Variants in NRG3 observed in about 807,000 individuals in gnomAD.
NRG3 encodes the protein neuregulin 3.
In NRG3, 31 loss-of-function variants were observed where a neutral mutation model predicts 66.9. That is an observed-to-expected ratio of 0.46 (90% CI 0.35 to 0.63). The LOEUF (loss-of-function observed/expected upper bound fraction) is 0.63, where lower values mean the gene tolerates loss of function less well. Among genes scored for constraint, NRG3 ranks in the 20% least tolerant of loss-of-function variants. The probability of loss-of-function intolerance (pLI) is 0.00; values close to 1 mark genes in which losing one functional copy is unlikely to be tolerated. For synonymous variants in NRG3, 393 were observed against 359.4 expected (o/e 1.09, Z -1.06); for missense variants, 910 against 878.9 (o/e 1.04, Z -0.45).
chr10:82,294,631 C>G (rs2079951267), intron 1 of NRG3, among the ~76,000 whole-genome samples: 2 of 152,182 alleles, frequency 1.3e-5, no homozygotes, highest in Admixed American at 6.5e-5. Flanking sequence ...AAATCTGCAT[C>G]AGCGTTATAT....
chr10:81,964,572 T>G (rs557804085), intron 1 of NRG3, among the ~76,000 whole-genome samples: 2 of 152,220 alleles, frequency 1.3e-5, no homozygotes, highest in Admixed American at 1.3e-4. Flanking sequence ...TAGTAAAAAT[T>G]TCTGACATTG....
intron 2 of NRG3, among the ~76,000 whole-genome samples, chr10:82,622,469 T>G (rs764743929): frequency 1.3e-5 from 2 of 152,210 alleles, no homozygotes; most frequent in African/African-American, 2.4e-5. Flanking sequence ...TCAAATCATT[T>G]CTTAAACCTA....
At chr10:82,167,133 T>C (rs1472421225) in intron 1 of NRG3, among the ~76,000 whole-genome samples, 1 of 152,132 alleles carries the variant, frequency 6.6e-6, no homozygotes, top group Non-Finnish European at 1.5e-5. Context: ...TTCAACTGAT[T>C]GAATTTTTTC....
chr10:82,326,646 T>C (rs953222693), intron 1 of NRG3, among the ~76,000 whole-genome samples: 12 of 152,174 alleles, frequency 7.9e-5, no homozygotes, highest in Non-Finnish European at 1.0e-4. Flanking sequence ...CCCTACCATT[T>C]CTTCTGCAAT....
chr10:82,643,905 CACA>C (rs1565159282), intron 2 of NRG3, among the ~76,000 whole-genome samples: 45 of 1,784 alleles, frequency 0.025, no homozygotes, highest in Non-Finnish European at 0.035. Context: ...CACACACACC[CACA>C]CACACACACA....
chr10:82,936,330 A>G (rs746849096), intron 4 of NRG3, among the ~76,000 whole-genome samples: 1 of 152,168 alleles, frequency 6.6e-6, no homozygotes, highest in Non-Finnish European at 1.5e-5. Context: ...GAAACTGAAG[A>G]CATTATTAAG....
intron 4 of NRG3, among the ~76,000 whole-genome samples, chr10:82,919,062 AGTGTGTGT>A (rs71471761): frequency 0.011 from 1,521 of 141,812 alleles, 9 homozygotes; most frequent in African/African-American, 0.017. Flanking sequence ...ATAGGGGTGG[AGTGTGTGT>A]GTGTGTGTGT....
chr10:82,166,632 G>T, intron 1 of NRG3: 1 of 334,678 alleles, frequency 3.0e-6, no homozygotes, highest in Non-Finnish European at 5.3e-6. Flanking sequence ...AAATAATTAT[G>T]TCTATATATA....
intron 1 of NRG3, among the ~76,000 whole-genome samples, chr10:82,346,454 G>A (rs1469224877): frequency 2.8e-5 from 4 of 144,560 alleles, no homozygotes; most frequent in Admixed American, 2.0e-4. Context: ...ATGTGCTGCT[G>A]GATTCGGTTT....
chr10:82,244,294 T>C (rs1018786488), intron 1 of NRG3, among the ~76,000 whole-genome samples: 1 of 152,204 alleles, frequency 6.6e-6, no homozygotes, highest in African/African-American at 2.4e-5. Flanking sequence ...TACCTTAATC[T>C]ACCAGTTAAA....
At chr10:82,032,412 T>TTG (rs1564753242) in intron 1 of NRG3, among the ~76,000 whole-genome samples, 50 of 128,964 alleles carry the variant, frequency 3.9e-4, no homozygotes, top group African/African-American at 1.0e-3. Context: ...TGTTGTTGTT[T>TTG]TTTCTAATGC....
chr10:82,206,748 A>T (rs150523756), intron 1 of NRG3, among the ~76,000 whole-genome samples: 1 of 152,286 alleles, frequency 6.6e-6, no homozygotes, highest in African/African-American at 2.4e-5. Flanking sequence ...AGTTTTCTCT[A>T]TTTAGTAATT....
intron 2 of NRG3, among the ~76,000 whole-genome samples, chr10:82,681,916 G>C (rs996167629): frequency 3.9e-5 from 6 of 152,196 alleles, no homozygotes; most frequent in Non-Finnish European, 7.3e-5. Context: ...AGAGAATGCT[G>C]ATACCTGCAT....
Position 82,716,036 on chromosome 10 carries a change from TAG to T in NRG3, c.954-22538_954-22537del, listed in dbSNP as rs145515473. The stretch of plus-strand genomic sequence containing the variant: ...CTCCAAATACCATCACACTGAAAAA[TAG>T]AGTTTCAACATATAAACTTTGGAAG... On this transcript the variant is annotated intron_variant, in intron 2 of 8. Coordinates refer to ENST00000372141, the MANE Select transcript of NRG3 (RefSeq NM_001010848.4). Among the ~76,000 whole-genome samples, 1,081 of 152,240 alleles carry T rather than the reference TAG, an allele frequency of 7.1e-3. 8 individuals are homozygous for T. The highest frequency in any genetic ancestry group is 0.024 in the African/African-American group (1,001 of 41,534).
At chr10:82,111,053 A>G (rs1254046120) in intron 1 of NRG3, among the ~76,000 whole-genome samples, 1 of 152,196 alleles carries the variant, frequency 6.6e-6, no homozygotes, top group African/African-American at 2.4e-5. Context: ...GCCTGTAAGA[A>G]AAGAGAGCAT....
intron 2 of NRG3, among the ~76,000 whole-genome samples, chr10:82,720,828 T>C (rs1329248831): frequency 3.0e-5 from 4 of 131,450 alleles, no homozygotes; most frequent in African/African-American, 1.4e-4. Flanking sequence ...TATATATATA[T>C]ATATATATAT....
At chr10:82,596,201 CG>C in intron 2 of NRG3, among the ~76,000 whole-genome samples, 1 of 152,106 alleles carries the variant, frequency 6.6e-6, no homozygotes, top group Non-Finnish European at 1.5e-5. Context: ...GACAAAGACC[CG>C]GTAGCCGCTT....
intron 2 of NRG3, among the ~76,000 whole-genome samples, chr10:82,540,275 G>T (rs2043448166): frequency 1.3e-5 from 2 of 151,090 alleles, no homozygotes; most frequent in South Asian, 4.2e-4. Flanking sequence ...GAACTGAACT[G>T]CACTTCCTGC....
chr10:82,379,016 A>T (rs76884749), intron 2 of NRG3, among the ~76,000 whole-genome samples: 31 of 152,212 alleles, frequency 2.0e-4, no homozygotes, highest in Non-Finnish European at 3.1e-4. Flanking sequence ...CACAGGTGGG[A>T]GCTAATTGGG....
Sources: gnomAD v4.1 joint callset for allele counts (sites outside exome capture counted in the v4.1 genomes callset) on GRCh38, gnomAD v4.1.1 for gene constraint, MANE v1.5 for transcripts, NCBI Gene and HGNC (gene_info 2026-07-23, HGNC 2026-07-21) for gene names.